Variants in SMAP1 observed in about 807,000 individuals in gnomAD.
SMAP1 encodes the protein small ArfGAP 1.
A neutral mutation model predicts 58.5 loss-of-function variants in SMAP1; 24 were observed. That is an observed-to-expected ratio of 0.41 (90% CI 0.30 to 0.58). SMAP1 has a LOEUF of 0.58. Among genes scored for constraint, SMAP1 ranks in the 20% least tolerant of loss-of-function variants. SMAP1 has a pLI of 0.29. For synonymous variants in SMAP1, 216 were observed against 196.6 expected (o/e 1.10, Z -0.82); for missense variants, 563 against 566.3 (o/e 0.99, Z 0.06).
At chr6:70,765,524 ATAG>A (rs1562143237) in intron 3 of SMAP1, among the ~76,000 whole-genome samples, 2 of 152,214 alleles carry the variant, frequency 1.3e-5, no homozygotes, top group East Asian at 1.9e-4. Flanking sequence ...AGTGATAGTC[ATAG>A]TGGTGGTGGG....
At chr6:70,799,811 G>A (rs1267724621) in intron 6 of SMAP1, among the ~76,000 whole-genome samples, 1 of 152,260 alleles carries the variant, frequency 6.6e-6, no homozygotes, top group South Asian at 2.1e-4. Context: ...GCATCATAAA[G>A]TATGTGCATC....
At chr6:70,828,049 A>G (rs1770208016) in intron 6 of SMAP1, among the ~76,000 whole-genome samples, 1 of 152,210 alleles carries the variant, frequency 6.6e-6, no homozygotes, top group African/African-American at 2.4e-5. Context: ...ATTTTTTCTC[A>G]CATAAAATAG....
At chr6:70,718,816 T>A (rs954201320) in intron 1 of SMAP1, among the ~76,000 whole-genome samples, 1 of 93,848 alleles carries the variant, frequency 1.1e-5, no homozygotes, top group Admixed American at 1.7e-4. Flanking sequence ...TAAGACTCCA[T>A]CTCAAAAAAA....
intron 5 of SMAP1, among the ~76,000 whole-genome samples, chr6:70,798,019 G>T (rs113052231): frequency 6.6e-6 from 1 of 151,986 alleles, no homozygotes; most frequent in Non-Finnish European, 1.5e-5. Context: ...AATGCAAATT[G>T]TGAATATCAT....
At chr6:70,776,594 ACTC>A (rs1001362861) in intron 4 of SMAP1, among the ~76,000 whole-genome samples, 2 of 151,866 alleles carry the variant, frequency 1.3e-5, no homozygotes, top group African/African-American at 2.4e-5. Context: ...ACTAAATCGT[ACTC>A]CTCCTATCTA....
intron 6 of SMAP1, among the ~76,000 whole-genome samples, chr6:70,824,505 GTTAC>G (rs1423871443): frequency 2.0e-5 from 3 of 151,806 alleles, no homozygotes; most frequent in African/African-American, 7.3e-5. Flanking sequence ...GTATGTTTTT[GTTAC>G]TTAATGTTGT....
intron 6 of SMAP1, among the ~76,000 whole-genome samples, chr6:70,816,825 G>A (rs1038201454): frequency 6.6e-6 from 1 of 152,150 alleles, no homozygotes; most frequent in Middle Eastern, 3.4e-3. Flanking sequence ...TCTCCTAGAA[G>A]ATTTTTTAAA....
chr6:70,752,117 C>T (rs944466609), intron 2 of SMAP1, among the ~76,000 whole-genome samples: 2 of 152,194 alleles, frequency 1.3e-5, no homozygotes, highest in South Asian at 2.1e-4. Flanking sequence ...TGACTAGCTG[C>T]TGCATGGTGA....
At chr6:70,671,271 G>A (rs913602153) in intron 1 of SMAP1, among the ~76,000 whole-genome samples, 1 of 151,996 alleles carries the variant, frequency 6.6e-6, no homozygotes, top group East Asian at 1.9e-4. Flanking sequence ...ACTTGGCTGA[G>A]TAGGGCTCCT....
chr6:70,729,563 G>A (rs1031185477), intron 1 of SMAP1, among the ~76,000 whole-genome samples: 1 of 148,318 alleles, frequency 6.7e-6, no homozygotes, highest in Non-Finnish European at 1.5e-5. Flanking sequence ...TTTTCATCTT[G>A]GTGTATCACT....
chr6:70,696,594 A>G (rs1767414885), intron 1 of SMAP1, among the ~76,000 whole-genome samples: 1 of 152,108 alleles, frequency 6.6e-6, no homozygotes, highest in South Asian at 2.1e-4. Context: ...TTATTCCATC[A>G]TGGTCAGAGA....
At chr6:70,802,998 T>C (rs1032058702) in intron 6 of SMAP1, among the ~76,000 whole-genome samples, 19 of 152,258 alleles carry the variant, frequency 1.2e-4, no homozygotes, top group African/African-American at 4.3e-4. Flanking sequence ...CAGGCTTTAG[T>C]ATCAGGATGA....
At chr6:70,705,827 G>A (rs1385063887) in intron 1 of SMAP1, among the ~76,000 whole-genome samples, 2 of 152,124 alleles carry the variant, frequency 1.3e-5, no homozygotes, top group African/African-American at 4.8e-5. Context: ...ATTTTTTAGT[G>A]TGGAAACTGA....
chr6:70,690,393 G>T (rs1187099155), intron 1 of SMAP1, among the ~76,000 whole-genome samples: 1 of 151,628 alleles, frequency 6.6e-6, no homozygotes, highest in Non-Finnish European at 1.5e-5. Context: ...TGCAACCTCC[G>T]CCTCCTGGGT....
intron 6 of SMAP1, among the ~76,000 whole-genome samples, chr6:70,832,712 C>G (rs1770412483): frequency 6.6e-6 from 1 of 152,202 alleles, no homozygotes; most frequent in Non-Finnish European, 1.5e-5. Context: ...CAAGAGAGCA[C>G]TTGAACAAGA....
chr6:70,703,271 T>C (rs1455842528), intron 1 of SMAP1, among the ~76,000 whole-genome samples: 2 of 152,060 alleles, frequency 1.3e-5, no homozygotes, highest in Non-Finnish European at 2.9e-5. Flanking sequence ...GAGACAGGGT[T>C]TCACCATGTT....
intron 8 of SMAP1, among the ~76,000 whole-genome samples, chr6:70,855,630 CT>C (rs936648917): frequency 1.3e-5 from 2 of 152,130 alleles, no homozygotes; most frequent in African/African-American, 2.4e-5. Context: ...GTGCAGAACA[CT>C]TTTGTGATCA....
At chr6:70,670,858 A>T (rs1241593450) in intron 1 of SMAP1, among the ~76,000 whole-genome samples, 1 of 152,214 alleles carries the variant, frequency 6.6e-6, no homozygotes, top group Middle Eastern at 3.2e-3. Context: ...ACATTTTCTT[A>T]CTGAATCACC....
intron 2 of SMAP1, among the ~76,000 whole-genome samples, chr6:70,749,357 C>G (rs148970503): frequency 6.6e-6 from 1 of 152,086 alleles, no homozygotes; most frequent in African/African-American, 2.4e-5. Flanking sequence ...GGTGGGGACA[C>G]GAAGCCAAAC....
Sources: gnomAD v4.1 joint callset for allele counts (sites outside exome capture counted in the v4.1 genomes callset) on GRCh38, gnomAD v4.1.1 for gene constraint, MANE v1.5 for transcripts, NCBI Gene and HGNC (gene_info 2026-07-23, HGNC 2026-07-21) for gene names.